RBMS3: variants seen among roughly 807,000 people sequenced by gnomAD.
RBMS3 encodes the protein RNA binding motif single stranded interacting protein 3, also known as RNA-binding motif, single-stranded-interacting protein 3.
RBMS3 carries 27 observed loss-of-function variants against 66.8 expected under a neutral mutation model. The ratio of observed to expected loss-of-function variants is 0.40; its 90% CI spans 0.30 to 0.56. RBMS3 has a LOEUF of 0.56. Among genes scored for constraint, RBMS3 ranks in the 20% least tolerant of loss-of-function variants. RBMS3 has a pLI of 0.40. For missense variants in RBMS3, 513 were observed against 549.5 expected, an observed-to-expected ratio of 0.93 and a Z score of 0.66; for synonymous variants, 188 against 183.0, an observed-to-expected ratio of 1.03 and a Z score of -0.22.
rs377593451 is a variant in RBMS3, at chr3:29,305,123, G to A, written c.75+23367G>A. ...CCTTGGCAAGAGCTCTTCCCTCTTC[G>A]TCAGTGGCCCCCTCTCCCAGCCCAA... is the stretch of plus-strand genomic sequence containing the variant. On this transcript the variant is annotated intron_variant, in intron 1 of 14. Transcript: ENST00000383767. Among the ~76,000 whole-genome samples, 167 of 151,722 alleles carry A rather than the reference G, an allele frequency of 1.1e-3. 4 individuals carry two copies. In the South Asian group the frequency reaches 0.013, roughly 12 times the overall value.
chr3:29,468,515 G>T, intron 2 of RBMS3, among the ~76,000 whole-genome samples: 1 of 152,046 alleles, frequency 6.6e-6, no homozygotes, highest in East Asian at 1.9e-4. Context: ...CTGGGCTTTG[G>T]GGCTTTCCAG....
At chr3:29,554,218 G>A (rs184413446) in intron 3 of RBMS3, among the ~76,000 whole-genome samples, 1 of 152,050 alleles carries the variant, frequency 6.6e-6, no homozygotes, top group African/African-American at 2.4e-5. Flanking sequence ...ATTTTCATGT[G>A]ACTAATTTTT....
intron 2 of RBMS3, among the ~76,000 whole-genome samples, chr3:29,477,051 A>G (rs1322848133): frequency 2.6e-5 from 4 of 152,206 alleles, no homozygotes; most frequent in Non-Finnish European, 1.5e-5. Flanking sequence ...CAGCTGCTAC[A>G]GTACACGGAA....
chr3:29,691,471 A>T, intron 4 of RBMS3, among the ~76,000 whole-genome samples: 1 of 152,076 alleles, frequency 6.6e-6, no homozygotes. Context: ...TCTTTTCATG[A>T]CTTGTTCGTG....
At chr3:29,533,789 TAAA>T (rs67422318) in intron 3 of RBMS3, among the ~76,000 whole-genome samples, 6,518 of 152,110 alleles carry the variant, frequency 0.043, 455 homozygotes, top group African/African-American at 0.15. Flanking sequence ...AATAAATAAA[TAAA>T]TAAAGCCCCC....
At chr3:29,300,028 T>C (rs2033564795) in intron 1 of RBMS3, among the ~76,000 whole-genome samples, 1 of 151,820 alleles carries the variant, frequency 6.6e-6, no homozygotes, top group Non-Finnish European at 1.5e-5. Context: ...CAAAAAAGCA[T>C]AAATGAAGAA....
In RBMS3 at chr3:29,968,851, CTGCCT is replaced by C. The variant is rs1697039466; in HGVS notation, c.1099-19290_1099-19286del. On this transcript the variant is annotated intron_variant, in intron 12 of 14. Transcript: ENST00000383767. The stretch of plus-strand genomic sequence containing the variant: ...CTCTGTCCGGAGCTGCAATCTAGTT[CTGCCT>C]TCCGTCCACCATGATACCTGAATGC... 3.1e-5 allele frequency among the ~76,000 whole-genome samples: 4 copies of C among 129,020 alleles called. No individual in the cohort carries two copies. In the Admixed American group the frequency reaches 3.2e-4, roughly 10 times the overall value. The allele number at this position is 129,020 out of a possible 152,430, so 84.6% of individuals were successfully genotyped here.
intron 1 of RBMS3, among the ~76,000 whole-genome samples, chr3:29,409,875 T>A (rs1442855116): frequency 6.6e-6 from 1 of 151,948 alleles, no homozygotes; most frequent in Non-Finnish European, 1.5e-5. Context: ...ATTAATTGAT[T>A]TTTTTTTCAT....
intron 10 of RBMS3, among the ~76,000 whole-genome samples, chr3:29,915,851 C>T (rs1303623577): frequency 6.6e-6 from 1 of 151,988 alleles, no homozygotes; most frequent in Non-Finnish European, 1.5e-5. Context: ...AAACGTAATT[C>T]TGCATCTGGA....
chr3:29,331,738 A>G (rs1035078723), intron 1 of RBMS3, among the ~76,000 whole-genome samples: 1 of 150,986 alleles, frequency 6.6e-6, no homozygotes, highest in African/African-American at 2.4e-5. Flanking sequence ...GTTTTTTTCC[A>G]GATTCACAGG....
At chr3:29,933,424 C>G (rs1242677458) in intron 10 of RBMS3, among the ~76,000 whole-genome samples, 3 of 152,060 alleles carry the variant, frequency 2.0e-5, no homozygotes, top group African/African-American at 7.2e-5. Flanking sequence ...CTAAACCTCT[C>G]TAAGTTGTCT....
At chr3:29,683,286 T>C (rs1367076728) in intron 4 of RBMS3, among the ~76,000 whole-genome samples, 1 of 152,162 alleles carries the variant, frequency 6.6e-6, no homozygotes, top group Non-Finnish European at 1.5e-5. Flanking sequence ...CACAAGACAG[T>C]AGTATTTTCA....
intron 6 of RBMS3, among the ~76,000 whole-genome samples, chr3:29,775,945 T>G (rs1319990659): frequency 6.6e-6 from 1 of 152,050 alleles, no homozygotes; most frequent in African/African-American, 2.4e-5. Context: ...CTAAGGAAAG[T>G]AATTCTCTAG....
chr3:29,928,808 T>A (rs59106694), intron 10 of RBMS3, among the ~76,000 whole-genome samples: 2,354 of 151,120 alleles, frequency 0.016, 96 homozygotes, highest in African/African-American at 0.055. Context: ...TCTTCTCTCA[T>A]AACATATTTG....
At chr3:29,377,148 A>G (rs941603001) in intron 1 of RBMS3, among the ~76,000 whole-genome samples, 1 of 151,960 alleles carries the variant, frequency 6.6e-6, no homozygotes, top group Non-Finnish European at 1.5e-5. Flanking sequence ...GCTATTTGCT[A>G]AAGTCAGCCT....
intron 1 of RBMS3, among the ~76,000 whole-genome samples, chr3:29,328,291 G>A (rs1394927390): frequency 2.0e-5 from 3 of 152,132 alleles, no homozygotes; most frequent in Admixed American, 2.0e-4. Flanking sequence ...ATACTGAAAT[G>A]AAAAGTCTGT....
chr3:29,434,314 T>G (rs1670465411), intron 1 of RBMS3, among the ~76,000 whole-genome samples: 1 of 152,202 alleles, frequency 6.6e-6, no homozygotes, highest in Non-Finnish European at 1.5e-5. Context: ...GGAGTTTCTT[T>G]GGAGAAAAGG....
chr3:29,565,162 TAGGAA>T (rs1381261999), intron 3 of RBMS3, among the ~76,000 whole-genome samples: 4 of 152,282 alleles, frequency 2.6e-5, no homozygotes, highest in Admixed American at 2.0e-4. Flanking sequence ...ATCACCAGTT[TAGGAA>T]AGGAAAGTTA....
At chr3:29,317,696 A>G (rs1202411689) in intron 1 of RBMS3, among the ~76,000 whole-genome samples, 2 of 151,860 alleles carry the variant, frequency 1.3e-5, no homozygotes, top group Admixed American at 6.6e-5. Flanking sequence ...AGAAGAAATA[A>G]TTCTACCTAT....
Sources: allele counts gnomAD v4.1 joint callset (sites outside exome capture counted in the v4.1 genomes callset), GRCh38; gene constraint gnomAD v4.1.1; transcripts MANE v1.5; gene names NCBI Gene and HGNC (gene_info 2026-07-23, HGNC 2026-07-21).